The following COL9A2 variants were observed in gnomAD, a reference collection of about 807,000 sequenced individuals.
COL9A2 encodes the protein collagen alpha-2(IX) chain.
In COL9A2, 66 loss-of-function variants were observed where a neutral mutation model predicts 111.6. That is an observed-to-expected ratio of 0.59 (90% confidence interval 0.48 to 0.73). COL9A2 has a LOEUF of 0.73. Among genes scored for constraint, COL9A2 ranks in the 30% least tolerant of loss-of-function variants. The probability of loss-of-function intolerance (pLI) is 0.00; values close to 1 mark genes in which losing one functional copy is unlikely to be tolerated. For synonymous variants in COL9A2, 353 were observed against 364.1 expected, an observed-to-expected ratio of 0.97 and a Z score of 0.35; for missense variants, 881 against 954.1, an observed-to-expected ratio of 0.92 and a Z score of 1.01.
intron 21 of COL9A2, 39 bp from the exon 22 acceptor site, chr1:40,304,886 G>C: frequency 1.3e-6 from 2 of 1,537,426 alleles, no homozygotes; most frequent in Non-Finnish European, 1.8e-6. Flanking sequence ...GTTTGACCTG[G>C]TGGAACCCAC....
rs1643929143 is a variant in COL9A2, at chr1:40,302,509, T to G, written c.1792+112A>C. The G allele has an allele frequency of 8.1e-7, 1 of 1,230,438 alleles. No homozygotes were observed. The highest frequency in any genetic ancestry group is 1.1e-6 in the Non-Finnish European group (1 of 870,550). The allele number at this position is 1,230,438 out of a possible 1,614,324, so 76.2% of individuals were successfully genotyped here. On this transcript the variant is annotated intron_variant, in intron 30 of 31. Transcript: ENST00000372748. The surrounding 1 kb of genome is among the most constrained non-coding windows in gnomAD (Gnocchi z 4.5). The stretch of plus-strand genomic sequence containing the variant: ...AGGAGTGTCTCCTGGACCATGTGGC[T>G]GAGGAACCGGGGAAGGGTCTGTATG...
At chr1:40,315,237 C>A (rs1477685501) in intron 2 of COL9A2, 2 of 1,084,634 alleles carry the variant, frequency 1.8e-6, no homozygotes, top group East Asian at 7.2e-5. Context: ...CCCAAGCGAA[C>A]CTGAAGAAGC....
chr1:40,315,762 G>A, intron 1 of COL9A2, 98 bp from the exon 2 acceptor site: 4 of 769,898 alleles, frequency 5.2e-6, no homozygotes, highest in Non-Finnish European at 8.4e-6. Context: ...TCCTAGGGGC[G>A]CAGCTCTTCC....
chr1:40,309,599 TGGTCC>T (rs1368735868), intron 16 of COL9A2, among the ~76,000 whole-genome samples: 5 of 122,342 alleles, frequency 4.1e-5, no homozygotes, highest in African/African-American at 2.2e-4. Flanking sequence ...TTGGCACAGA[TGGTCC>T]TCCCCAGCAG....
At position 40,312,031 on chromosome 1, in the gene COL9A2, C is replaced by T. The variant is rs376423102; in HGVS notation, c.417+28G>A. 1.3e-5 allele frequency: 20 copies of T among 1,591,132 alleles called. No individual in the cohort carries two copies. Among genetic ancestry groups the T allele is most frequent in the South Asian group, 2.3e-5 (2 of 87,036 alleles). ...CAGCTTGGAGATAGAAGGCAGGAGG[C>T]AGTGAACAGAGGGTGGCTGAGGCTC... On this transcript the variant is annotated intron_variant, in intron 8 of 31. Coordinates refer to ENST00000372748, the MANE Select transcript of COL9A2 (RefSeq NM_001852.4). This position sits in a 1 kb window ranked among gnomAD's most constrained non-coding sequence, Gnocchi z 6.0.
In COL9A2 at chr1:40,314,149, C is replaced by T. The variant is rs1644177346; in HGVS notation, c.249+56G>A. ...ATCAGTGAAGATGCCAGAGCCAGGC[C>T]CTGGAGGTCAATTGGCAGAGCCCTA... is the stretch of plus-strand genomic sequence containing the variant. On this transcript the variant is annotated intron_variant, in intron 4 of 31. Coordinates refer to ENST00000372748, the MANE Select transcript of COL9A2 (RefSeq NM_001852.4). This position sits in a 1 kb window ranked among gnomAD's most constrained non-coding sequence, Gnocchi z 4.1. The T allele has an allele frequency of 9.6e-6, 15 of 1,562,012 alleles. No individual in the cohort carries two copies. The highest frequency in any genetic ancestry group is 1.2e-5 in the Non-Finnish European group (14 of 1,133,328).
Position 40,312,264 on chromosome 1 carries a change from G to A in COL9A2, c.364-152C>T. On this transcript the variant is annotated intron_variant, in intron 7 of 31. Transcript: ENST00000372748. The surrounding 1 kb of genome is among the most constrained non-coding windows in gnomAD (Gnocchi z 6.0). ...AGAGACTGACAGACTGAGGCTTTAAGGACCAGAGAATTGCAGAGCCAGTGG... is the reference window on the plus strand; with the variant it reads ...AGAGACTGACAGACTGAGGCTTTAAAGACCAGAGAATTGCAGAGCCAGTGG... 1 of 1,016,466 alleles carries A rather than the reference G, an allele frequency of 9.8e-7. No individual in the cohort carries two copies. The highest frequency in any genetic ancestry group is 1.4e-5 in the South Asian group (1 of 70,754). The allele number at this position is 1,016,466 out of a possible 1,614,324, so 63.0% of individuals were successfully genotyped here.
In COL9A2 at chr1:40,306,794, A is replaced by G. The variant is rs376643779; in HGVS notation, c.1009-607T>C. Among the ~76,000 whole-genome samples the G allele has an allele frequency of 1.5e-4, 23 of 151,766 alleles. 2 individuals are homozygous for G. The highest frequency in any genetic ancestry group is 9.2e-4 in the Admixed American group (14 of 15,230). On this transcript the variant is annotated intron_variant, in intron 19 of 31. Coordinates refer to ENST00000372748, the MANE Select transcript of COL9A2 (RefSeq NM_001852.4). ...TGAAGACAAAGATTGCATCTGTCCT[A>G]TTTATAATTGTTTACCTGCCACTTA...
chr1:40,303,337 C>G lies in COL9A2; in HGVS notation c.1549-152G>C. 2.6e-6 allele frequency: 3 copies of G among 1,146,396 alleles called. No individual in the cohort carries two copies. Among genetic ancestry groups the G allele is most frequent in the Non-Finnish European group, 3.8e-6 (3 of 788,476 alleles). The allele number at this position is 1,146,396 out of a possible 1,614,324, so 71.0% of individuals were successfully genotyped here. A position where few individuals can be genotyped will look rare whatever the true frequency, so the allele number is the denominator to read the frequency against. On this transcript the variant is annotated intron_variant, in intron 28 of 31. Transcript: ENST00000372748. This position sits in a 1 kb window ranked among gnomAD's most constrained non-coding sequence, Gnocchi z 4.6. ...GGAACAGATTGTACCTGGGCAGGGC[C>G]AAGGGCTTACTTGGGAAGGTCGCGG...
rs1288563189 is a variant in COL9A2, at chr1:40,301,255, G to T, written c.1997C>A (p.Pro666His). The change falls in exon 32 of 32, where the codon CCT becomes CAT. Residue 666 changes from proline (P) to histidine (H), a missense_variant. Transcript: ENST00000372748. ...GPVGLPGFCE[P>H]AACLGASAYA... is the part of the protein sequence containing the mutation. ...GGCCGAAGCTCCAAGGCAGGCGGCA[G>T]GTTCACAGAAGCCCGGCAGCCCCAC... The T allele has an allele frequency of 1.2e-6, 2 of 1,614,188 alleles. No homozygotes were observed. The highest frequency in any genetic ancestry group is 2.2e-5 in the South Asian group (2 of 91,084).
Position 40,310,512 on chromosome 1 carries a change from C to A in COL9A2, c.685-195G>T, listed in dbSNP as rs914843510. ...TCAAAGGGACAGTGGCAGACCTGGACCTCAGCCTGGGCTTCTTGCTGACAG... is the reference window on the plus strand; with the variant it reads ...TCAAAGGGACAGTGGCAGACCTGGAACTCAGCCTGGGCTTCTTGCTGACAG... On this transcript the variant is annotated intron_variant, in intron 13 of 31. Coordinates refer to ENST00000372748, the MANE Select transcript of COL9A2 (RefSeq NM_001852.4). This position sits in a 1 kb window ranked among gnomAD's most constrained non-coding sequence, Gnocchi z 4.9. 1.3e-5 allele frequency among the ~76,000 whole-genome samples: 2 copies of A among 152,204 alleles called. No individual in the cohort carries two copies. The highest frequency in any genetic ancestry group is 4.8e-5 in the African/African-American group (2 of 41,444).
chr1:40,311,678 C>A lies in COL9A2; in HGVS notation c.455G>T (p.Gly152Val). Reference sequence around the variant, plus strand: ...GACACTTACAGGTTTCCCAGGGGGTCCTGGGGGCCCCGATGGTCCATCTGG... The same window carrying A: ...GACACTTACAGGTTTCCCAGGGGGTACTGGGGGCCCCGATGGTCCATCTGG... ...PGPDGPSGPP[G>V]PPGKPGRPGT... Residue 152 changes from glycine to valine, a missense_variant, in exon 9 of 32, where the codon GGA becomes GTA. Physicochemically the swap from Gly to Val is moderately radical, Grantham distance 109. Transcript: ENST00000372748. This position sits in a 1 kb window ranked among gnomAD's most constrained non-coding sequence, Gnocchi z 5.1. 2 of 1,614,054 alleles carry A rather than the reference C, an allele frequency of 1.2e-6. No homozygotes were observed. The highest frequency in any genetic ancestry group is 1.7e-6 in the Non-Finnish European group (2 of 1,179,974).
Position 40,307,610 on chromosome 1 carries a change from T to C in COL9A2, c.954+93A>G. 3 of 1,582,182 alleles carry C rather than the reference T, an allele frequency of 1.9e-6. No homozygotes were observed. The highest frequency in any genetic ancestry group is 2.6e-6 in the Non-Finnish European group (3 of 1,155,312). ...AGATCCAGAGGCAAGAAAGGGCATGTCCATGACCTGAGGACCCCAGGCTCT... is the reference window on the plus strand; with the variant it reads ...AGATCCAGAGGCAAGAAAGGGCATGCCCATGACCTGAGGACCCCAGGCTCT... On this transcript the variant is annotated intron_variant, in intron 18 of 31. Transcript: ENST00000372748. This position sits in a 1 kb window ranked among gnomAD's most constrained non-coding sequence, Gnocchi z 4.8.
chr1:40,306,072 C>T (rs1275829538), intron 20 of COL9A2, 71 bp downstream of exon 20: 1 of 1,572,996 alleles, frequency 6.4e-7, no homozygotes, highest in African/African-American at 1.3e-5. Context: ...TTGGCTGAGG[C>T]CTGGGCCTTG....
At position 40,307,074 on chromosome 1, in the gene COL9A2, A is replaced by T. The variant is rs6692299; in HGVS notation, c.1008+372T>A. 0.034 allele frequency among the ~76,000 whole-genome samples: 5,210 copies of T among 152,138 alleles called. 296 individuals are homozygous for T. Among genetic ancestry groups the T allele is most frequent in the African/African-American group, 0.12 (4,980 of 41,466 alleles). On this transcript the variant is annotated intron_variant, in intron 19 of 31. Coordinates refer to ENST00000372748, the MANE Select transcript of COL9A2 (RefSeq NM_001852.4). The surrounding 1 kb of genome is among the most constrained non-coding windows in gnomAD (Gnocchi z 4.8). ...TGGCCAGGCTGGTTTTGAACTCCTGACCTCAAGTGATCCACTCAGCTGAGC... is the reference window on the plus strand; with the variant it reads ...TGGCCAGGCTGGTTTTGAACTCCTGTCCTCAAGTGATCCACTCAGCTGAGC...
At position 40,317,286 on chromosome 1, in the gene COL9A2, C is replaced by T. The variant is rs1244312575; in HGVS notation, c.-89G>A. 2.2e-6 allele frequency: 1 copy of T among 447,914 alleles called. No individual in the cohort carries two copies. The highest frequency in any genetic ancestry group is 2.2e-5 in the African/African-American group (1 of 45,376). The allele number at this position is 447,914 out of a possible 1,614,324, so 27.7% of individuals were successfully genotyped here. On this transcript the variant is annotated 5_prime_UTR_variant, in exon 1 of 32. Coordinates refer to ENST00000372748, the MANE Select transcript of COL9A2 (RefSeq NM_001852.4). This position sits in a 1 kb window ranked among gnomAD's most constrained non-coding sequence, Gnocchi z 4.3. ...CGGCGCTCCTCCAGCGCTGGCTGTT[C>T]GCGGGCAGGGTGGGCTGGGGCTCCT... is the stretch of plus-strand genomic sequence containing the variant.
Position 40,307,970 on chromosome 1 carries a change from G to T in COL9A2, c.901-214C>A, listed in dbSNP as rs986039584. On this transcript the variant is annotated intron_variant, in intron 17 of 31. Transcript: ENST00000372748. The surrounding 1 kb of genome is among the most constrained non-coding windows in gnomAD (Gnocchi z 4.8). ...GTCCTTCCCTAGTGTGGAGGGTGGT[G>T]TCCCCGACTGCTGCAAGCTCCCCAT... Among the ~76,000 whole-genome samples the T allele has an allele frequency of 6.6e-6, 1 of 152,150 alleles. No homozygotes were observed. Among genetic ancestry groups the T allele is most frequent in the African/African-American group, 2.4e-5 (1 of 41,436 alleles).
At chr1:40,315,933 A>G (rs942809559) in intron 1 of COL9A2, 3 of 388,762 alleles carry the variant, frequency 7.7e-6, no homozygotes, top group Non-Finnish European at 1.4e-5. Context: ...GTCCATGGTC[A>G]CTGAGAGTGG....
rs779082497 is a variant in COL9A2, at chr1:40,312,034, T to C, written c.417+25A>G. On this transcript the variant is annotated intron_variant, in intron 8 of 31. Coordinates refer to ENST00000372748, the MANE Select transcript of COL9A2 (RefSeq NM_001852.4). The surrounding 1 kb of genome is among the most constrained non-coding windows in gnomAD (Gnocchi z 6.0). ...CTTGGAGATAGAAGGCAGGAGGCAG[T>C]GAACAGAGGGTGGCTGAGGCTCACC... 5.0e-6 allele frequency: 8 copies of C among 1,593,458 alleles called. No individual in the cohort carries two copies. Among genetic ancestry groups the C allele is most frequent in the Middle Eastern group, 1.7e-4 (1 of 5,972 alleles).
Sources: allele counts gnomAD v4.1 joint callset (sites outside exome capture counted in the v4.1 genomes callset), GRCh38; gene constraint gnomAD v4.1.1; non-coding constraint Gnocchi (gnomAD v3.1); transcripts MANE v1.5; gene names NCBI Gene and HGNC (gene_info 2026-07-23, HGNC 2026-07-21).